PTPRT: variants seen among roughly 807,000 people sequenced by gnomAD.
PTPRT encodes the protein protein tyrosine phosphatase receptor type T.
PTPRT carries 56 observed loss-of-function variants against 176.8 expected under a neutral mutation model. The observed-to-expected ratio is 0.32, with a 90% CI of 0.26 to 0.40. The LOEUF is 0.40. Ranked by LOEUF, PTPRT falls within the 10% of genes least tolerant of loss-of-function variation. The pLI is 1.00. For synonymous variants in PTPRT, 783 were observed against 739.0 expected, an observed-to-expected ratio of 1.06 and a Z score of -0.96; for missense variants, 1,540 against 1,908.2, an observed-to-expected ratio of 0.81 and a Z score of 3.60.
chr20:42,908,358 C>G (rs1166562825), intron 1 of PTPRT, among the ~76,000 whole-genome samples: 1 of 152,074 alleles, frequency 6.6e-6, no homozygotes, highest in Non-Finnish European at 1.5e-5. Context: ...ATAGTACAAA[C>G]TTAGAAAAGA....
At chr20:43,092,376 T>C (rs958344255) in intron 1 of PTPRT, among the ~76,000 whole-genome samples, 7 of 152,208 alleles carry the variant, frequency 4.6e-5, no homozygotes, top group Non-Finnish European at 8.8e-5. Context: ...GCAGGAGGCT[T>C]CCCAAATGCC....
chr20:42,473,369 T>C (rs2071232542), intron 7 of PTPRT, among the ~76,000 whole-genome samples: 1 of 150,610 alleles, frequency 6.6e-6, no homozygotes, highest in South Asian at 2.2e-4. Flanking sequence ...GCACATTAAA[T>C]AGATTTTTTT....
chr20:42,291,506 T>C (rs1237788300), intron 12 of PTPRT, among the ~76,000 whole-genome samples: 2 of 152,152 alleles, frequency 1.3e-5, no homozygotes, highest in African/African-American at 2.4e-5. Flanking sequence ...TGAGGTTGTG[T>C]TTAAAAGTTT....
At chr20:42,083,156 TGAGAGA>T (rs773794572) in intron 29 of PTPRT, among the ~76,000 whole-genome samples, 65 of 74,432 alleles carry the variant, frequency 8.7e-4, no homozygotes, top group African/African-American at 3.1e-3. Context: ...AAAACAAACA[TGAGAGA>T]GAGAGAGAGG....
chr20:42,894,904 G>T (rs896308129), intron 1 of PTPRT, among the ~76,000 whole-genome samples: 1 of 152,134 alleles, frequency 6.6e-6, no homozygotes, highest in Non-Finnish European at 1.5e-5. Context: ...AGGAAGGCAG[G>T]CACATGCAGA....
At chr20:42,907,588 G>C (rs1187370820) in intron 1 of PTPRT, among the ~76,000 whole-genome samples, 1 of 152,120 alleles carries the variant, frequency 6.6e-6, no homozygotes, top group Non-Finnish European at 1.5e-5. Context: ...ATGAGATGAA[G>C]TGGAGGAATT....
chr20:42,421,431 T>G (rs570314022), intron 9 of PTPRT, among the ~76,000 whole-genome samples: 2 of 152,130 alleles, frequency 1.3e-5, no homozygotes, highest in South Asian at 4.2e-4. Flanking sequence ...ATTATCACAG[T>G]CAGGACAAGA....
chr20:42,752,864 C>A (rs867593601), intron 6 of PTPRT, among the ~76,000 whole-genome samples: 1 of 152,148 alleles, frequency 6.6e-6, no homozygotes, highest in Non-Finnish European at 1.5e-5. Context: ...GGTCCCTGGG[C>A]ACCCACTCCA....
intron 1 of PTPRT, among the ~76,000 whole-genome samples, chr20:43,034,717 A>G (rs551909532): frequency 6.6e-6 from 1 of 151,986 alleles, no homozygotes; most frequent in African/African-American, 2.4e-5. Flanking sequence ...CAGATGTTAG[A>G]GGCAAATAAA....
intron 1 of PTPRT, among the ~76,000 whole-genome samples, chr20:43,173,021 C>A (rs185710510): frequency 1.3e-5 from 2 of 152,124 alleles, no homozygotes; most frequent in East Asian, 1.9e-4. Flanking sequence ...TACAGGCATG[C>A]GCCACCAGAC....
At chr20:42,167,236 G>A (rs1989868426) in intron 16 of PTPRT, among the ~76,000 whole-genome samples, 1 of 152,160 alleles carries the variant, frequency 6.6e-6, no homozygotes, top group African/African-American at 2.4e-5. Flanking sequence ...CCACACACTA[G>A]AGATGGCATC....
At chr20:42,259,359 T>C (rs1275510315) in intron 13 of PTPRT, among the ~76,000 whole-genome samples, 1 of 152,224 alleles carries the variant, frequency 6.6e-6, no homozygotes, top group Non-Finnish European at 1.5e-5. Flanking sequence ...AACAGACTTA[T>C]TTATGAGCAG....
intron 3 of PTPRT, among the ~76,000 whole-genome samples, chr20:42,785,747 T>G (rs1285247363): frequency 1.3e-5 from 2 of 152,244 alleles, no homozygotes; most frequent in Non-Finnish European, 2.9e-5. Context: ...TGGAGGTTAC[T>G]GAGTACAGGC....
chr20:42,364,593 G>C (rs2058489598), intron 9 of PTPRT, among the ~76,000 whole-genome samples: 1 of 152,016 alleles, frequency 6.6e-6, no homozygotes, highest in East Asian at 1.9e-4. Context: ...CCTCAGGTTA[G>C]AAGCTTCCTT....
chr20:42,763,388 T>G (rs919494404), intron 5 of PTPRT, among the ~76,000 whole-genome samples: 1 of 152,208 alleles, frequency 6.6e-6, no homozygotes, highest in African/African-American at 2.4e-5. Context: ...CTATGCCTGG[T>G]TTACAGAAGA....
At chr20:42,978,986 G>A (rs1338263683) in intron 1 of PTPRT, among the ~76,000 whole-genome samples, 2 of 152,080 alleles carry the variant, frequency 1.3e-5, no homozygotes, top group East Asian at 3.9e-4. Flanking sequence ...CTTTACTCTA[G>A]GAACTCACCC....
intron 16 of PTPRT, among the ~76,000 whole-genome samples, chr20:42,177,806 G>A (rs527647735): frequency 1.3e-5 from 2 of 151,996 alleles, no homozygotes; most frequent in Admixed American, 6.6e-5. Context: ...TTGGGAACAT[G>A]GTAAAGATCT....
intron 15 of PTPRT, among the ~76,000 whole-genome samples, chr20:42,234,354 T>C (rs2146849764): frequency 6.6e-6 from 1 of 152,350 alleles, no homozygotes; most frequent in Middle Eastern, 3.4e-3. Flanking sequence ...CAAGGCTCTA[T>C]AACCAGTGCA....
intron 19 of PTPRT, among the ~76,000 whole-genome samples, chr20:42,128,218 T>C (rs527360047): frequency 6.6e-6 from 1 of 152,310 alleles, no homozygotes; most frequent in East Asian, 1.9e-4. Flanking sequence ...GTTCACATCA[T>C]ATTTTGCATT....
Sources: gnomAD v4.1 joint callset for allele counts (sites outside exome capture counted in the v4.1 genomes callset) on GRCh38, gnomAD v4.1.1 for gene constraint, MANE v1.5 for transcripts, NCBI Gene and HGNC (gene_info 2026-07-23, HGNC 2026-07-21) for gene names.